Variants in APP observed in about 807,000 individuals in gnomAD.
APP encodes the protein amyloid-beta precursor protein.
APP carries 31 observed loss-of-function variants against 101.4 expected under a neutral mutation model. The observed-to-expected ratio is 0.31, with a 90% confidence interval of 0.23 to 0.41. The LOEUF is 0.41. Ranked by LOEUF, APP falls within the 10% of genes least tolerant of loss-of-function variation. The probability of loss-of-function intolerance (pLI) is 1.00; values close to 1 mark genes in which losing one functional copy is unlikely to be tolerated. For synonymous variants in APP, 366 were observed against 364.4 expected (o/e 1.00, Z -0.05); for missense variants, 839 against 1,003.7 (o/e 0.84, Z 2.22).
chr21:26,156,843 T>A (rs961944669), intron 1 of APP, among the ~76,000 whole-genome samples: 2 of 137,498 alleles, frequency 1.5e-5, no homozygotes, highest in Admixed American at 7.6e-5. Flanking sequence ...CAAACTTAAC[T>A]ATATGGGCTT....
chr21:25,905,659 T>TC (rs1436136752), intron 14 of APP, among the ~76,000 whole-genome samples: 2 of 152,210 alleles, frequency 1.3e-5, no homozygotes, highest in African/African-American at 4.8e-5. Context: ...TCTCACTTTT[T>TC]CAAAAAGGCT....
intron 1 of APP, among the ~76,000 whole-genome samples, chr21:26,168,330 T>C (rs1160791300): frequency 6.6e-6 from 1 of 152,174 alleles, no homozygotes; most frequent in African/African-American, 2.4e-5. Context: ...AATTACATCT[T>C]TTCAGTGGAC....
rs913408772 is a variant in APP at position 25,982,692 on chromosome 21, A to C, written c.1091-215T>G. Among the ~76,000 whole-genome samples, 17 of 152,230 alleles carry C rather than the reference A, an allele frequency of 1.1e-4. 1 individual carries two copies. Among genetic ancestry groups the C allele is most frequent in the East Asian group, 5.8e-4 (3 of 5,198 alleles). ...TTCACCACTCCCAAGTACAGAATGA[A>C]GGAAAAATCTTTAAAATGGTCCATT... On this transcript the variant is annotated intron_variant, in intron 8 of 17. Transcript: ENST00000346798.
At chr21:25,882,938 C>T (rs1601250644) in intron 17 of APP, among the ~76,000 whole-genome samples, 2 of 152,272 alleles carry the variant, frequency 1.3e-5, no homozygotes, top group Middle Eastern at 3.4e-3. Context: ...AGCTTTTCCC[C>T]CTACACACCC....
chr21:25,903,378 A>AG (rs2038614370), intron 15 of APP, among the ~76,000 whole-genome samples: 1 of 146,174 alleles, frequency 6.8e-6, no homozygotes, highest in Non-Finnish European at 1.5e-5. Flanking sequence ...CAAAAAAAAA[A>AG]AAAAAAAATC....
intron 13 of APP, among the ~76,000 whole-genome samples, chr21:25,924,398 G>C (rs1601417213): frequency 1.1e-5 from 1 of 88,760 alleles, no homozygotes. Context: ...AAAAAGATTT[G>C]AATTTGCAAA....
intron 4 of APP, among the ~76,000 whole-genome samples, 159 bp downstream of exon 4, chr21:26,053,077 C>T (rs570287901): frequency 6.6e-5 from 10 of 152,188 alleles, no homozygotes; most frequent in African/African-American, 1.9e-4. Context: ...CCTAAAATCA[C>T]TCTAAAAACT....
chr21:25,897,409 C>A (rs113433002), intron 16 of APP, among the ~76,000 whole-genome samples, 164 bp downstream of exon 16: 1 of 152,204 alleles, frequency 6.6e-6, no homozygotes, highest in Non-Finnish European at 1.5e-5. Flanking sequence ...CCACTGCGCT[C>A]AGCCTAGCCT....
chr21:26,103,479 T>C (rs1194842137), intron 2 of APP, among the ~76,000 whole-genome samples: 2 of 151,402 alleles, frequency 1.3e-5, no homozygotes, highest in Non-Finnish European at 2.9e-5. Context: ...GTGCACCTTG[T>C]AATCCCAGCT....
chr21:26,007,494 C>G (rs1172966122), intron 6 of APP, among the ~76,000 whole-genome samples: 2 of 147,508 alleles, frequency 1.4e-5, no homozygotes, highest in Non-Finnish European at 3.0e-5. Context: ...ATACAATATA[C>G]AATTTATATA....
At chr21:25,968,170 G>A (rs1320827597) in intron 11 of APP, among the ~76,000 whole-genome samples, 2 of 151,930 alleles carry the variant, frequency 1.3e-5, no homozygotes, top group East Asian at 3.9e-4. Flanking sequence ...TTTAATTTTG[G>A]AACAGCGTCT....
At chr21:25,936,949 A>C (rs2040389645) in intron 13 of APP, among the ~76,000 whole-genome samples, 1 of 152,128 alleles carries the variant, frequency 6.6e-6, no homozygotes. Context: ...TGTGCAAGGA[A>C]TTTCTTGTAC....
chr21:26,042,387 A>G (rs1328486356), intron 5 of APP, among the ~76,000 whole-genome samples: 1 of 152,232 alleles, frequency 6.6e-6, no homozygotes, highest in Admixed American at 6.5e-5. Flanking sequence ...GCATGTGCAT[A>G]ATTTATTACA....
chr21:25,920,455 C>A (rs2039575779), intron 13 of APP, among the ~76,000 whole-genome samples: 1 of 152,018 alleles, frequency 6.6e-6, no homozygotes, highest in East Asian at 1.9e-4. Context: ...GAGTCAAGAC[C>A]CATCAGTGTG....
chr21:26,039,820 AAATTT>A (rs373559528), intron 5 of APP, among the ~76,000 whole-genome samples: 265 of 152,210 alleles, frequency 1.7e-3, no homozygotes, highest in Middle Eastern at 6.8e-3. Context: ...CAATTGCAAA[AAATTT>A]ATTTATATAA....
chr21:25,941,237 T>A (rs1455128470), intron 13 of APP: 1 of 152,200 alleles, frequency 6.6e-6, no homozygotes, highest in Non-Finnish European at 1.5e-5. Context: ...GGATATAAGA[T>A]CAGCCTGGCT....
At chr21:25,980,879 C>T (rs1244347705) in intron 9 of APP, among the ~76,000 whole-genome samples, 2 of 152,098 alleles carry the variant, frequency 1.3e-5, no homozygotes, top group African/African-American at 4.8e-5. Flanking sequence ...TGGGAAGCAC[C>T]AGGGTTGGTC....
rs532205908 is a variant in APP at position 25,928,654 on chromosome 21, G to A, written c.1688-16692C>T. On this transcript the variant is annotated intron_variant, in intron 13 of 17. Transcript: ENST00000346798. ...ATATTTGGATGTCTTCCTCTGGTTC[G>A]ATTTATAGTGAAATTACATCATATG... 11 of 151,850 alleles carry A rather than the reference G, an allele frequency of 7.2e-5. No individual in the cohort carries two copies. The South Asian group carries it at 1.0e-3, about 14-fold the overall frequency. 9.4% of individuals were successfully genotyped at this position (151,850 alleles called of 1,614,324 possible). A position where few individuals can be genotyped will look rare whatever the true frequency, so the allele number is the denominator to read the frequency against.
chr21:26,086,186 T>G (rs1021096722), intron 3 of APP, among the ~76,000 whole-genome samples: 8 of 152,168 alleles, frequency 5.3e-5, no homozygotes, highest in Non-Finnish European at 1.0e-4. Flanking sequence ...TGTGCTTGAA[T>G]CACACATGAG....
Sources: gnomAD v4.1 joint callset for allele counts (sites outside exome capture counted in the v4.1 genomes callset) on GRCh38, gnomAD v4.1.1 for gene constraint, MANE v1.5 for transcripts, NCBI Gene and HGNC (gene_info 2026-07-23, HGNC 2026-07-21) for gene names.